Variants in GAS2L2 observed in about 807,000 individuals in gnomAD.
The protein encoded by GAS2L2 is GAS2-like protein 2.
GAS2L2 carries 21 observed loss-of-function variants against 35.2 expected under a neutral mutation model. That is an observed-to-expected ratio of 0.60 (90% CI 0.42 to 0.86). The LOEUF (loss-of-function observed/expected upper bound fraction) is 0.86, where lower values mean the gene tolerates loss of function less well. Ranked by LOEUF, GAS2L2 falls within the 40% of genes least tolerant of loss-of-function variation. The probability of loss-of-function intolerance (pLI) is 0.00; values close to 1 mark genes in which losing one functional copy is unlikely to be tolerated. For synonymous variants in GAS2L2, 490 were observed against 473.2 expected, an observed-to-expected ratio of 1.04 and a Z score of -0.46; for missense variants, 1,169 against 1,144.4, an observed-to-expected ratio of 1.02 and a Z score of -0.31.
At chr17:35,748,318 G>C (rs781900866) in intron 3 of GAS2L2, among the ~76,000 whole-genome samples, 10 of 152,218 alleles carry the variant, frequency 6.6e-5, no homozygotes, top group Admixed American at 1.3e-4. Flanking sequence ...GGGAGTCCTG[G>C]TCCCACTCCA....
chr17:35,747,798 G>A (rs782607536), intron 4 of GAS2L2, 51 bp downstream of exon 4: 17 of 1,474,936 alleles, frequency 1.2e-5, no homozygotes, highest in Middle Eastern at 1.7e-4. Context: ...CCAACCCAGA[G>A]CTAGGCCTCT....
chr17:35,746,259 C>T lies in GAS2L2; in HGVS notation c.1238G>A (p.Arg413Lys). The part of the protein sequence containing the change: ...REERYPPELP[R>K]GRIPTSWVHE... ...AACCCAAGATGTGGGAATCCTTCCC[C>T]TGGGGAGTTCAGGGGGGTATCTCTC... The change falls in exon 6 of 6, where the codon AGG (arginine) becomes AAG (lysine). Residue 413 changes from arginine (R) to lysine (K), a missense_variant. By Grantham distance (26) the Arg-to-Lys change is conservative. This residue lies in a region of GAS2L2 where 1,035 missense variants were observed against 976.5 expected (regional missense o/e 1.06). Coordinates refer to ENST00000604641, the MANE Select transcript of GAS2L2 (RefSeq NM_139285.4). The T allele has an allele frequency of 6.8e-7, 1 of 1,467,710 alleles. No individual in the cohort carries two copies. Among genetic ancestry groups the T allele is most frequent in the East Asian group, 2.3e-5 (1 of 42,976 alleles). 90.9% of individuals were successfully genotyped at this position (1,467,710 alleles called of 1,614,324 possible).
Position 35,745,064 on chromosome 17 carries a change from G to C in GAS2L2, c.2433C>G (p.Pro811=), listed in dbSNP as rs149382781. ...YVFLGPARQP[P]KDRLLRAVLG... The stretch of plus-strand genomic sequence containing the variant: ...GCACAGCTCTCAACAGCCTGTCCTT[G>C]GGGGGCTGCCTGGCTGGACCCAGGA... The change falls in exon 6 of 6, where the codon CCC becomes CCG. Residue 811 remains proline (P), a synonymous_variant. Coordinates refer to ENST00000604641, the MANE Select transcript of GAS2L2 (RefSeq NM_139285.4). 8 of 1,613,828 alleles carry C rather than the reference G, an allele frequency of 5.0e-6. No individual in the cohort carries two copies. Among genetic ancestry groups the C allele is most frequent in the Non-Finnish European group, 6.8e-6 (8 of 1,179,950 alleles).
rs1208407788 is a variant in GAS2L2, at chr17:35,752,884, T to A, written c.-34A>T. The A allele has an allele frequency of 6.5e-6, 10 of 1,543,728 alleles. No homozygotes were observed. Among genetic ancestry groups the A allele is most frequent in the Non-Finnish European group, 7.9e-6 (9 of 1,144,862 alleles). ...CCCAGCAGGGCAGGAGGTGGGCACC[T>A]CCCCTCTCCCACTGCCGCCTCTTTC... is the stretch of plus-strand genomic sequence containing the variant. On this transcript the variant is annotated 5_prime_UTR_variant, in exon 1 of 6. Coordinates refer to ENST00000604641, the MANE Select transcript of GAS2L2 (RefSeq NM_139285.4).
rs1462709366 is a variant in GAS2L2 at position 35,750,205 on chromosome 17, T to C, written c.499A>G (p.Thr167Ala). Reference sequence around the variant, plus strand: ...ATCTCCTCCTCCAGCTGCACGAGTGTGGGCGCCGCAACACCAAAGCGCCAC... The same window carrying C: ...ATCTCCTCCTCCAGCTGCACGAGTGCGGGCGCCGCAACACCAAAGCGCCAC... ...RAWRFGVAAP[T>A]LVQLEEEIEE... The change falls in exon 2 of 6, where the codon ACA becomes GCA. Residue 167 changes from threonine to alanine, a missense_variant. Transcript: ENST00000604641. 3.7e-6 allele frequency: 6 copies of C among 1,613,346 alleles called. No homozygotes were observed. The highest frequency in any genetic ancestry group is 3.3e-5 in the Admixed American group (2 of 59,974).
chr17:35,747,697 T>C, intron 4 of GAS2L2, 152 bp downstream of exon 4: 1 of 646,758 alleles, frequency 1.5e-6, no homozygotes, highest in Non-Finnish European at 2.8e-6. Flanking sequence ...GCCCAACTAC[T>C]GCCTGCCTTC....
At position 35,745,071 on chromosome 17, in the gene GAS2L2, T is replaced by C. The variant is rs1555598630; in HGVS notation, c.2426A>G (p.Gln809Arg). 6.2e-7 allele frequency: 1 copy of C among 1,613,830 alleles called. No homozygotes were observed. The highest frequency in any genetic ancestry group is 1.7e-5 in the Admixed American group (1 of 60,020). Residue 809 changes from glutamine to arginine, a missense_variant, in exon 6 of 6, where the codon CAG (glutamine) becomes CGG (arginine). This residue lies in a region of GAS2L2 where 1,035 missense variants were observed against 976.5 expected (regional missense o/e 1.06). Coordinates refer to ENST00000604641, the MANE Select transcript of GAS2L2 (RefSeq NM_139285.4). ...LAYVFLGPAR[Q>R]PPKDRLLRAV... is the part of the protein sequence containing the mutation. ...TCTCAACAGCCTGTCCTTGGGGGGC[T>C]GCCTGGCTGGACCCAGGAAGACATA...
intron 2 of GAS2L2, 149 bp from the exon 3 acceptor site, chr17:35,749,366 T>C (rs2085689334): frequency 8.2e-6 from 5 of 607,084 alleles, no homozygotes; most frequent in South Asian, 3.9e-5. Flanking sequence ...AGGCTGTAAA[T>C]GACCCAGCGA....
chr17:35,749,997 G>A (rs1292154839), intron 2 of GAS2L2, 80 bp downstream of exon 2: 11 of 1,407,664 alleles, frequency 7.8e-6, no homozygotes, highest in Non-Finnish European at 1.1e-5. Flanking sequence ...GTGGGTTAGT[G>A]GGGGCTGGAG....
intron 4 of GAS2L2, 38 bp from the exon 5 acceptor site, chr17:35,747,306 G>A (rs782648139): frequency 6.4e-7 from 1 of 1,553,486 alleles, no homozygotes; most frequent in Non-Finnish European, 8.7e-7. Context: ...AGGAGAGAAG[G>A]GTTCAGTTCC....
In GAS2L2 at chr17:35,747,280, C is replaced by G; in HGVS notation, c.833-12G>C. 1 of 1,599,094 alleles carries G rather than the reference C, an allele frequency of 6.3e-7. No individual in the cohort carries two copies. On this transcript the variant is annotated splice_polypyrimidine_tract_variant and intron_variant, in intron 4 of 5. Transcript: ENST00000604641. ...GCCTGGCTTGTGTGCTACCAACAGT[C>G]CCCCGGAGAAAGGAGAGGAGAGAAG...
rs1335044370 is a variant in GAS2L2 at position 35,753,161 on chromosome 17, T to C, written c.-311A>G. Among the ~76,000 whole-genome samples the C allele has an allele frequency of 1.3e-5, 2 of 152,090 alleles. No homozygotes were observed. The highest frequency in any genetic ancestry group is 6.5e-5 in the Admixed American group (1 of 15,270). The stretch of plus-strand genomic sequence containing the variant: ...TGAGGCCAGATGGAAGTGAGGACAC[T>C]CCTCTCTTTCCCCAGAGCTGGAGAG... On this transcript the variant is annotated 5_prime_UTR_variant, in exon 1 of 6. Coordinates refer to ENST00000604641, the MANE Select transcript of GAS2L2 (RefSeq NM_139285.4).
At position 35,749,200 on chromosome 17, in the gene GAS2L2, G is replaced by A. The variant is rs199724484; in HGVS notation, c.645C>T (p.Ser215=). 6.2e-7 allele frequency: 1 copy of A among 1,612,378 alleles called. No homozygotes were observed. Among genetic ancestry groups the A allele is most frequent in the Non-Finnish European group, 8.5e-7 (1 of 1,178,764 alleles). The change falls in exon 3 of 6, where the codon AGC becomes AGT. Residue 215 remains serine, a synonymous_variant. Transcript: ENST00000604641. ...NLDQMVQSLV[S]HCTCPVQFSM... ...AGAACTGCACTGGGCACGTGCAGTG[G>A]CTCACAAGGCTCTGCACCTGCGGGC...
intron 5 of GAS2L2, among the ~76,000 whole-genome samples, 197 bp downstream of exon 5, chr17:35,746,819 C>T (rs2085671279): frequency 6.6e-6 from 1 of 152,170 alleles, no homozygotes; most frequent in Non-Finnish European, 1.5e-5. Context: ...GCTTCAGCCT[C>T]CTCATCTGTG....
At chr17:35,749,281 C>T (rs1340097300) in intron 2 of GAS2L2, 64 bp from the exon 3 acceptor site, 3 of 1,042,236 alleles carry the variant, frequency 2.9e-6, no homozygotes, top group East Asian at 2.5e-5. Context: ...GGGGGGCCTA[C>T]CTGCCCCCCA....
Position 35,752,773 on chromosome 17 carries a change from C to T in GAS2L2, c.78G>A (p.Ser26=), listed in dbSNP as rs200365870. The change falls in exon 1 of 6, where the codon TCG becomes TCA. Residue 26 remains serine, a synonymous_variant. Coordinates refer to ENST00000604641, the MANE Select transcript of GAS2L2 (RefSeq NM_139285.4). ...TCATGGCCTCCAGGTACTGCTCACT[C>T]GACTTGAAAGGCCGGATACTGCACA... ...PPVCSIRPFK[S]SEQYLEAMKE... 2.9e-5 allele frequency: 46 copies of T among 1,613,800 alleles called. No homozygotes were observed. The South Asian group carries it at 3.3e-4, about 12-fold the overall frequency.
At chr17:35,751,212 G>A (rs587704844) in intron 1 of GAS2L2, among the ~76,000 whole-genome samples, 263 of 152,194 alleles carry the variant, frequency 1.7e-3, no homozygotes, top group Admixed American at 3.7e-3. Context: ...CCTCCCTGGC[G>A]TCATCCCATC....
At chr17:35,751,848 CTTTTTTTTT>C (rs587677612) in intron 1 of GAS2L2, among the ~76,000 whole-genome samples, 5 of 99,984 alleles carry the variant, frequency 5.0e-5, no homozygotes, top group Non-Finnish European at 5.5e-5. Flanking sequence ...CTCTCTCTCT[CTTTTTTTTT>C]TTTTTTTTTT....
Position 35,750,068 on chromosome 17 carries a change from G to A in GAS2L2, c.627+9C>T. 6.2e-7 allele frequency: 1 copy of A among 1,603,022 alleles called. No homozygotes were observed. Among genetic ancestry groups the A allele is most frequent in the African/African-American group, 1.3e-5 (1 of 74,514 alleles). ...AGGGGGCCCTGAGGGCGTGTGCAGA[G>A]CCCCTCACCATCTGGTCCAGGTTGC... On this transcript the variant is annotated intron_variant, in intron 2 of 5. Coordinates refer to ENST00000604641, the MANE Select transcript of GAS2L2 (RefSeq NM_139285.4).
Sources: gnomAD v4.1 joint callset for allele counts (sites outside exome capture counted in the v4.1 genomes callset) on GRCh38, gnomAD v4.1.1 for gene constraint, gnomAD v4.1.1 regional missense constraint, MANE v1.5 for transcripts, NCBI Gene and HGNC (gene_info 2026-07-23, HGNC 2026-07-21) for gene names.